PSMD1: variants seen among roughly 807,000 people sequenced by gnomAD.
The protein encoded by PSMD1 is 26S proteasome non-ATPase regulatory subunit 1.
A neutral mutation model predicts 119.0 loss-of-function variants in PSMD1; 18 were observed. The ratio of observed to expected loss-of-function variants is 0.15; its 90% CI spans 0.10 to 0.22. The LOEUF (loss-of-function observed/expected upper bound fraction) is 0.22. Among genes scored for constraint, PSMD1 ranks in the 10% least tolerant of loss-of-function variants. The pLI is 1.00. For missense variants in PSMD1, 702 were observed against 1,158.5 expected (o/e 0.61, Z 5.72); for synonymous variants, 374 against 396.6 (o/e 0.94, Z 0.68).
chr2:231,060,225 G>T (rs1392042974), intron 1 of PSMD1: 1 of 152,206 alleles, frequency 6.6e-6, no homozygotes, highest in African/African-American at 2.4e-5. Context: ...TACCAACCTA[G>T]AGTACCAAGA....
chr2:231,066,155 G>A (rs754726926), intron 4 of PSMD1, among the ~76,000 whole-genome samples: 7 of 152,212 alleles, frequency 4.6e-5, no homozygotes, highest in Non-Finnish European at 8.8e-5. Flanking sequence ...ACCTAAAGAT[G>A]TGTTTTCCAG....
chr2:231,080,021 C>G, intron 11 of PSMD1, 120 bp from the exon 12 acceptor site: 1 of 836,136 alleles, frequency 1.2e-6, no homozygotes, highest in South Asian at 2.3e-5. Context: ...GAGAGCCCCA[C>G]TACCTCCTTC....
At chr2:231,126,737 A>G (rs1695729205) in intron 16 of PSMD1, among the ~76,000 whole-genome samples, 1 of 152,136 alleles carries the variant, frequency 6.6e-6, no homozygotes, top group South Asian at 2.1e-4. Flanking sequence ...GCCTCAACTT[A>G]TAAAAAGTAA....
intron 16 of PSMD1, among the ~76,000 whole-genome samples, chr2:231,110,110 A>G (rs1275844953): frequency 6.6e-6 from 1 of 152,196 alleles, no homozygotes; most frequent in Non-Finnish European, 1.5e-5. Context: ...ACTTGAGGTC[A>G]GGAGTTTGAG....
At chr2:231,058,626 C>T (rs12694885) in intron 1 of PSMD1, among the ~76,000 whole-genome samples, 1,591 of 151,834 alleles carry the variant, frequency 0.01, 38 homozygotes, top group African/African-American at 0.036. Flanking sequence ...AAAGGTTGGA[C>T]ACCCCTGGCA....
chr2:231,168,928 A>G (rs1696848558), intron 23 of PSMD1, among the ~76,000 whole-genome samples: 1 of 152,232 alleles, frequency 6.6e-6, no homozygotes. Context: ...TTTGGAAACA[A>G]GTAACATTCC....
intron 1 of PSMD1, among the ~76,000 whole-genome samples, chr2:231,060,581 C>T (rs1034792858): frequency 6.6e-6 from 1 of 152,104 alleles, no homozygotes; most frequent in Non-Finnish European, 1.5e-5. Flanking sequence ...TTTTACTCTC[C>T]TATGTTAGTG....
chr2:231,100,542 G>A (rs1186570033), intron 16 of PSMD1, among the ~76,000 whole-genome samples: 1 of 152,146 alleles, frequency 6.6e-6, no homozygotes, highest in Non-Finnish European at 1.5e-5. Context: ...GAATGAGTCA[G>A]CATGGAGCAG....
chr2:231,140,513 A>AT (rs1696082048), intron 17 of PSMD1, among the ~76,000 whole-genome samples: 1 of 151,394 alleles, frequency 6.6e-6, no homozygotes, highest in Non-Finnish European at 1.5e-5. Flanking sequence ...AAAAAAAAAA[A>AT]AAGAGTGTTG....
At chr2:231,140,597 G>T (rs1696084721) in intron 17 of PSMD1, among the ~76,000 whole-genome samples, 1 of 151,960 alleles carries the variant, frequency 6.6e-6, no homozygotes, top group South Asian at 2.1e-4. Flanking sequence ...GCTATTTTTG[G>T]CCAGGTGCAG....
intron 7 of PSMD1, 113 bp from the exon 8 acceptor site, chr2:231,075,398 C>A: frequency 2.2e-6 from 2 of 893,716 alleles, no homozygotes. Context: ...AATGGTAATA[C>A]TTTAGTAAAC....
rs1434694424 is a variant in PSMD1, at chr2:231,172,701, A to T, written c.*176A>T. 6.6e-6 allele frequency: 1 copy of T among 152,190 alleles called. No homozygotes were observed. 9.4% of individuals were successfully genotyped at this position (152,190 alleles called of 1,614,324 possible). A position where few individuals can be genotyped will look rare whatever the true frequency, so the allele number is the denominator to read the frequency against. The stretch of plus-strand genomic sequence containing the variant: ...TTGAAGAGAAGATATATGACTGTTG[A>T]GTGTGCTCTTTCACAGAACTTGGTT... On this transcript the variant is annotated 3_prime_UTR_variant, in exon 25 of 25. Transcript: ENST00000308696.
chr2:231,140,793 G>A (rs1490348023), intron 17 of PSMD1, among the ~76,000 whole-genome samples: 1 of 152,066 alleles, frequency 6.6e-6, no homozygotes, highest in African/African-American at 2.4e-5. Context: ...CAGGAGAATT[G>A]CTTGAACCCA....
In PSMD1 at chr2:231,170,856, C is replaced by T; in HGVS notation, c.*9+135C>T. The T allele has an allele frequency of 1.1e-6, 1 of 934,500 alleles. No homozygotes were observed. The allele number at this position is 934,500 out of a possible 1,614,324, so 57.9% of individuals were successfully genotyped here. A position where few individuals can be genotyped will look rare whatever the true frequency, so the allele number is the denominator to read the frequency against. On this transcript the variant is annotated intron_variant, in intron 24 of 24. Transcript: ENST00000308696. The surrounding 1 kb of genome is among the most constrained non-coding windows in gnomAD (Gnocchi z 4.1). ...TTTACCTAAACAGTATTAAAACTTC[C>T]CCGTTTCAACCTTTTTCTGCATATA...
chr2:231,104,408 G>T (rs1694933657), intron 16 of PSMD1, among the ~76,000 whole-genome samples: 1 of 152,076 alleles, frequency 6.6e-6, no homozygotes, highest in Non-Finnish European at 1.5e-5. Context: ...ACTTCTAAGG[G>T]ACCATTCTTG....
At chr2:231,102,213 A>G (rs1256637004) in intron 16 of PSMD1, among the ~76,000 whole-genome samples, 4 of 152,176 alleles carry the variant, frequency 2.6e-5, no homozygotes, top group African/African-American at 7.2e-5. Context: ...TAACTTTTAT[A>G]TGCCCTGGGA....
At chr2:231,164,244 T>G (rs1696705635) in intron 21 of PSMD1, among the ~76,000 whole-genome samples, 1 of 152,208 alleles carries the variant, frequency 6.6e-6, no homozygotes, top group Non-Finnish European at 1.5e-5. Flanking sequence ...AGTATATCTG[T>G]AGGTTAGAAT....
intron 16 of PSMD1, 88 bp from the exon 17 acceptor site, chr2:231,138,646 CTT>C (rs1696030312): frequency 1.1e-6 from 1 of 926,114 alleles, no homozygotes. Flanking sequence ...TTTCCTATAA[CTT>C]TTTCAAAAAC....
At chr2:231,077,967 T>A (rs1018930961) in intron 9 of PSMD1, among the ~76,000 whole-genome samples, 1 of 152,200 alleles carries the variant, frequency 6.6e-6, no homozygotes, top group Non-Finnish European at 1.5e-5. Context: ...TATAGTCTCA[T>A]TAAAAATAAA....
Sources: allele counts gnomAD v4.1 joint callset (sites outside exome capture counted in the v4.1 genomes callset), GRCh38; gene constraint gnomAD v4.1.1; non-coding constraint Gnocchi (gnomAD v3.1); transcripts MANE v1.5; gene names NCBI Gene and HGNC (gene_info 2026-07-23, HGNC 2026-07-21).